Variants in NKAIN3 observed in about 807,000 individuals in gnomAD.
The protein encoded by NKAIN3 is sodium/potassium-transporting ATPase subunit beta-1-interacting protein 3.
Under a neutral mutation model 30.2 loss-of-function variants are expected in NKAIN3, and 25 were observed. The ratio of observed to expected loss-of-function variants is 0.83; its 90% CI spans 0.60 to 1.16. The LOEUF (loss-of-function observed/expected upper bound fraction) is 1.16, where lower values mean the gene tolerates loss of function less well. NKAIN3 is among the 50% of genes most tolerant of loss of function. The pLI, the probability that NKAIN3 is intolerant of heterozygous loss-of-function variation, is 0.00. For synonymous variants in NKAIN3, 91 were observed against 89.6 expected, an observed-to-expected ratio of 1.02 and a Z score of -0.09; for missense variants, 225 against 254.1, an observed-to-expected ratio of 0.89 and a Z score of 0.78.
chr8:62,527,609 T>G (rs1808345548), intron 1 of NKAIN3, among the ~76,000 whole-genome samples: 1 of 152,218 alleles, frequency 6.6e-6, no homozygotes, highest in Admixed American at 6.5e-5. Flanking sequence ...TTTACGTTCC[T>G]ATATTTGAAA....
At chr8:62,613,769 T>C (rs1398554149) in intron 3 of NKAIN3, among the ~76,000 whole-genome samples, 5 of 152,132 alleles carry the variant, frequency 3.3e-5, no homozygotes, top group African/African-American at 1.2e-4. Flanking sequence ...TCACTAATTA[T>C]TACTTCTGCT....
intron 1 of NKAIN3, among the ~76,000 whole-genome samples, chr8:62,446,234 C>A (rs1320578786): frequency 1.3e-5 from 2 of 152,036 alleles, no homozygotes; most frequent in South Asian, 4.1e-4. Context: ...AATAATAACA[C>A]AAAGAAGAGA....
intron 1 of NKAIN3, among the ~76,000 whole-genome samples, chr8:62,484,211 C>T (rs1044619071): frequency 2.0e-5 from 3 of 152,194 alleles, no homozygotes; most frequent in African/African-American, 2.4e-5. Flanking sequence ...CCTCTCATCT[C>T]CCTCGGGATG....
intron 5 of NKAIN3, among the ~76,000 whole-genome samples, chr8:62,925,798 G>C (rs1473298659): frequency 1.3e-5 from 2 of 152,096 alleles, no homozygotes; most frequent in African/African-American, 4.8e-5. Context: ...ATTTACAAAT[G>C]GTCAACATCA....
chr8:62,883,457 G>GTTGTTGTTGTTTTTTTTTTTTTTTTTTTT, intron 4 of NKAIN3, among the ~76,000 whole-genome samples: 5 of 70,226 alleles, frequency 7.1e-5, no homozygotes, highest in African/African-American at 7.0e-5. Flanking sequence ...AGTTTTATGG[G>GTTGTTGTTGTTTTTTTTTTTTTTTTTTTT]TTTTTTTTTT....
intron 1 of NKAIN3, among the ~76,000 whole-genome samples, chr8:62,402,859 G>A (rs1803927091): frequency 6.6e-6 from 1 of 152,154 alleles, no homozygotes; most frequent in Non-Finnish European, 1.5e-5. Context: ...TTTGGAACTG[G>A]GTAACAGGCA....
chr8:62,587,378 T>G (rs180991336), intron 2 of NKAIN3, among the ~76,000 whole-genome samples: 7 of 152,032 alleles, frequency 4.6e-5, no homozygotes, highest in Admixed American at 1.3e-4. Flanking sequence ...GAATTCCATA[T>G]TATACATGTC....
chr8:62,645,857 A>C (rs1249838271), intron 3 of NKAIN3, among the ~76,000 whole-genome samples: 1 of 152,150 alleles, frequency 6.6e-6, no homozygotes, highest in Non-Finnish European at 1.5e-5. Flanking sequence ...TAAGAAATTC[A>C]AATTTTCAAT....
In NKAIN3 at chr8:62,685,637, A is replaced by G. The variant is rs73685434; in HGVS notation, c.274-61295A>G. Reference sequence around the variant, plus strand: ...TTATTTTTGTCTAAGCTTCATTGCTACGGATAGTCACAGTGGCATTCAAAT... The same window carrying G: ...TTATTTTTGTCTAAGCTTCATTGCTGCGGATAGTCACAGTGGCATTCAAAT... On this transcript the variant is annotated intron_variant, in intron 3 of 6. Coordinates refer to ENST00000623646, the MANE Select transcript of NKAIN3 (RefSeq NM_001304533.3). Among the ~76,000 whole-genome samples the G allele has an allele frequency of 9.8e-3, 1,490 of 152,278 alleles. 23 individuals carry two copies. Among genetic ancestry groups the G allele is most frequent in the African/African-American group, 0.034 (1,412 of 41,556 alleles).
chr8:62,372,137 A>G (rs16928780), intron 1 of NKAIN3, among the ~76,000 whole-genome samples: 20,995 of 151,888 alleles, frequency 0.14, 1,739 homozygotes, highest in East Asian at 0.4. Context: ...TTGGAGATCC[A>G]TCAGATTTTA....
intron 3 of NKAIN3, among the ~76,000 whole-genome samples, chr8:62,701,842 G>C (rs558781178): frequency 1.3e-5 from 2 of 152,218 alleles, no homozygotes; most frequent in East Asian, 3.9e-4. Flanking sequence ...ATGGCCATTT[G>C]GAACTGACAT....
Position 62,975,685 on chromosome 8 carries a change from C to CTT in NKAIN3, c.*10279_*10280dup, listed in dbSNP as rs1823925645. ...AGTTCTGTTCTGATCTTAGTTATTTCTTGTCTTCTGCTAGCTTTTGAAATA... is the reference window on the plus strand; with the variant it reads ...AGTTCTGTTCTGATCTTAGTTATTTCTTTTGTCTTCTGCTAGCTTTTGAAATA... On this transcript the variant is annotated 3_prime_UTR_variant, in exon 7 of 7. Transcript: ENST00000623646. Among the ~76,000 whole-genome samples the CTT allele has an allele frequency of 6.6e-6, 1 of 152,176 alleles. No individual in the cohort carries two copies. Among genetic ancestry groups the CTT allele is most frequent in the East Asian group, 1.9e-4 (1 of 5,178 alleles).
At chr8:62,378,967 C>G (rs1370610165) in intron 1 of NKAIN3, among the ~76,000 whole-genome samples, 1 of 152,178 alleles carries the variant, frequency 6.6e-6, no homozygotes, top group Non-Finnish European at 1.5e-5. Flanking sequence ...CCCAGACACT[C>G]AATGCCAGCC....
rs573421935 is a variant in NKAIN3 at position 62,306,775 on chromosome 8, T to C, written c.54+57648T>C. ...TCAGGATGAATGACCACTGAGCAGA[T>C]ATGTACCTCAAACCATCTTAGCCTA... On this transcript the variant is annotated intron_variant, in intron 1 of 6. Coordinates refer to ENST00000623646, the MANE Select transcript of NKAIN3 (RefSeq NM_001304533.3). Among the ~76,000 whole-genome samples, 85 of 149,938 alleles carry C rather than the reference T, an allele frequency of 5.7e-4. 6 individuals are homozygous for C. The highest frequency in any genetic ancestry group is 2.0e-3 in the African/African-American group (79 of 39,492).
At chr8:62,321,681 C>T (rs1814917778) in intron 1 of NKAIN3, among the ~76,000 whole-genome samples, 1 of 151,670 alleles carries the variant, frequency 6.6e-6, no homozygotes, top group Non-Finnish European at 1.5e-5. Context: ...CCTGATTGTT[C>T]CTCTGTAAGT....
chr8:62,942,621 C>T (rs1823000560), intron 5 of NKAIN3, among the ~76,000 whole-genome samples: 1 of 151,744 alleles, frequency 6.6e-6, no homozygotes. Context: ...CATTACCTGA[C>T]TTCAAACTAT....
intron 4 of NKAIN3, among the ~76,000 whole-genome samples, chr8:62,893,667 CACACAT>C (rs1554589029): frequency 8.3e-6 from 1 of 120,488 alleles, no homozygotes; most frequent in Admixed American, 7.8e-5. Context: ...TGTGTGCGTG[CACACAT>C]ATGCACATAT....
chr8:62,319,561 A>G (rs372935652), intron 1 of NKAIN3, among the ~76,000 whole-genome samples: 1 of 151,894 alleles, frequency 6.6e-6, no homozygotes, highest in Non-Finnish European at 1.5e-5. Flanking sequence ...CAAAGAACAT[A>G]TTTATTTCTG....
intron 1 of NKAIN3, among the ~76,000 whole-genome samples, chr8:62,565,728 A>G (rs568528786): frequency 2.0e-5 from 3 of 152,200 alleles, no homozygotes; most frequent in Admixed American, 6.6e-5. Flanking sequence ...TGATAAACCC[A>G]TTGTAAATTG....
Sources: allele counts gnomAD v4.1 joint callset (sites outside exome capture counted in the v4.1 genomes callset), GRCh38; gene constraint gnomAD v4.1.1; transcripts MANE v1.5; gene names NCBI Gene and HGNC (gene_info 2026-07-23, HGNC 2026-07-21).